TMEM245: variants seen among roughly 807,000 people sequenced by gnomAD.
TMEM245 encodes the protein transmembrane protein 245.
In TMEM245, 69 loss-of-function variants were observed where a neutral mutation model predicts 101.2. The observed-to-expected ratio is 0.68, with a 90% CI of 0.56 to 0.83. TMEM245 has a LOEUF of 0.83. Among genes scored for constraint, TMEM245 ranks in the 40% least tolerant of loss-of-function variants. The pLI is 0.00. For missense variants in TMEM245, 1,075 were observed against 1,092.8 expected, an observed-to-expected ratio of 0.98 and a Z score of 0.23; for synonymous variants, 537 against 449.8, an observed-to-expected ratio of 1.19 and a Z score of -2.45.
chr9:109,071,962 C>A (rs921683103), intron 9 of TMEM245, among the ~76,000 whole-genome samples: 10 of 152,198 alleles, frequency 6.6e-5, no homozygotes, highest in African/African-American at 2.4e-4. Flanking sequence ...AACATATAAT[C>A]TCTGCCACAG....
intron 14 of TMEM245, 46 bp from the exon 15 acceptor site, chr9:109,038,163 T>C (rs759493699): frequency 4.1e-6 from 6 of 1,470,824 alleles, no homozygotes; most frequent in Non-Finnish European, 5.6e-6. Context: ...AACAGTGTCA[T>C]ATCGTGATTC....
At chr9:109,037,171 G>A (rs1828152761) in intron 15 of TMEM245, among the ~76,000 whole-genome samples, 1 of 152,184 alleles carries the variant, frequency 6.6e-6, no homozygotes, top group Non-Finnish European at 1.5e-5. Context: ...AGGAAAAGTA[G>A]AAGAAGCACC....
chr9:109,048,693 C>T (rs1015708015), intron 14 of TMEM245, among the ~76,000 whole-genome samples: 7 of 152,068 alleles, frequency 4.6e-5, no homozygotes, highest in Non-Finnish European at 1.0e-4. Flanking sequence ...CTGAGACAGG[C>T]CTGCTCTGCA....
chr9:109,026,579 GA>G (rs144556356), intron 17 of TMEM245, among the ~76,000 whole-genome samples: 3 of 145,500 alleles, frequency 2.1e-5, no homozygotes, highest in Non-Finnish European at 3.0e-5. Flanking sequence ...GGCCATGAAA[GA>G]AAAAAAAAAG....
intron 1 of TMEM245, among the ~76,000 whole-genome samples, chr9:109,117,427 C>T (rs1830754861): frequency 6.6e-6 from 1 of 152,130 alleles, no homozygotes; most frequent in Non-Finnish European, 1.5e-5. Flanking sequence ...CAATTTCAAG[C>T]TTTTAAAAAA....
chr9:109,049,149 T>C (rs748882172), intron 14 of TMEM245, among the ~76,000 whole-genome samples: 1 of 152,228 alleles, frequency 6.6e-6, no homozygotes, highest in African/African-American at 2.4e-5. Context: ...CTGATGGAGA[T>C]AGACCATTAC....
intron 7 of TMEM245, among the ~76,000 whole-genome samples, chr9:109,083,767 A>G (rs1476105293): frequency 6.6e-6 from 1 of 151,858 alleles, no homozygotes; most frequent in Non-Finnish European, 1.5e-5. Flanking sequence ...ACTAAGAAAT[A>G]AAACAAAGCC....
intron 9 of TMEM245, among the ~76,000 whole-genome samples, chr9:109,065,965 G>A (rs1388761979): frequency 6.6e-6 from 1 of 152,128 alleles, no homozygotes; most frequent in East Asian, 1.9e-4. Context: ...AAAGTCAGTT[G>A]CCACTGACAG....
chr9:109,107,293 G>T (rs569596010), intron 2 of TMEM245, among the ~76,000 whole-genome samples: 99 of 151,898 alleles, frequency 6.5e-4, no homozygotes, highest in South Asian at 1.9e-3. Context: ...CAGCTACTTG[G>T]GGGGCTGAGA....
intron 10 of TMEM245, among the ~76,000 whole-genome samples, chr9:109,062,525 C>T (rs2132443240): frequency 6.6e-6 from 1 of 152,306 alleles, no homozygotes; most frequent in Non-Finnish European, 1.5e-5. Flanking sequence ...CGTTAGTTTA[C>T]AACATCTATT....
chr9:109,113,759 T>C (rs1393693248), intron 1 of TMEM245, among the ~76,000 whole-genome samples: 1 of 152,198 alleles, frequency 6.6e-6, no homozygotes, highest in Non-Finnish European at 1.5e-5. Flanking sequence ...CTGTTACATA[T>C]TTTTGCAGAA....
chr9:109,112,809 G>T (rs1007550401), intron 1 of TMEM245, among the ~76,000 whole-genome samples: 1 of 152,036 alleles, frequency 6.6e-6, no homozygotes, highest in African/African-American at 2.4e-5. Context: ...CGGGCGCGGT[G>T]GCTCATGCCT....
At chr9:109,055,155 A>G (rs993104022) in intron 12 of TMEM245, among the ~76,000 whole-genome samples, 4 of 152,230 alleles carry the variant, frequency 2.6e-5, no homozygotes. Flanking sequence ...TCATTCATCA[A>G]TAACAGACAC....
At chr9:109,060,500 C>T (rs367909777) in intron 10 of TMEM245, 48 bp from the exon 11 acceptor site, 13 of 1,354,474 alleles carry the variant, frequency 9.6e-6, no homozygotes, top group Non-Finnish European at 1.4e-5. Context: ...CAGGCAACAA[C>T]AGAGTAAAAT....
intron 14 of TMEM245, among the ~76,000 whole-genome samples, chr9:109,045,034 T>A (rs1233581283): frequency 1.3e-5 from 2 of 152,132 alleles, no homozygotes; most frequent in African/African-American, 4.8e-5. Context: ...TGCTGGGATT[T>A]GAGGCGTGAG....
chr9:109,040,885 T>A (rs575946697), intron 14 of TMEM245, among the ~76,000 whole-genome samples: 1 of 152,376 alleles, frequency 6.6e-6, no homozygotes, highest in East Asian at 1.9e-4. Context: ...GTATTATGAA[T>A]AATGCTGCTA....
At chr9:109,072,159 G>T (rs1161301964) in intron 9 of TMEM245, among the ~76,000 whole-genome samples, 1 of 151,060 alleles carries the variant, frequency 6.6e-6, no homozygotes, top group Non-Finnish European at 1.5e-5. Flanking sequence ...AGAGGCCTCT[G>T]AGTAGAAAAG....
chr9:109,058,286 G>C (rs1305712582), intron 11 of TMEM245, among the ~76,000 whole-genome samples: 1 of 151,824 alleles, frequency 6.6e-6, no homozygotes, highest in Non-Finnish European at 1.5e-5. Context: ...TTACAGGCGT[G>C]AGCCACCACG....
At chr9:109,077,924 T>A (rs1266129617) in intron 8 of TMEM245, among the ~76,000 whole-genome samples, 2 of 152,226 alleles carry the variant, frequency 1.3e-5, no homozygotes, top group East Asian at 3.8e-4. Context: ...AGTATTGTCA[T>A]GACCAGGGTT....
Sources: allele counts gnomAD v4.1 joint callset (sites outside exome capture counted in the v4.1 genomes callset), GRCh38; gene constraint gnomAD v4.1.1; transcripts MANE v1.5; gene names NCBI Gene and HGNC (gene_info 2026-07-23, HGNC 2026-07-21).